RAB3GAP1: variants seen among roughly 807,000 people sequenced by gnomAD.
RAB3GAP1 encodes the protein rab3 GTPase-activating protein catalytic subunit.
Under a neutral mutation model 130.7 loss-of-function variants are expected in RAB3GAP1, and 86 were observed. That is an observed-to-expected ratio of 0.66 (90% CI 0.55 to 0.79). The LOEUF (loss-of-function observed/expected upper bound fraction) is 0.79. RAB3GAP1 is among the 30% of genes least tolerant of loss of function. The probability of loss-of-function intolerance (pLI) is 0.00; values close to 1 mark genes in which losing one functional copy is unlikely to be tolerated. For synonymous variants in RAB3GAP1, 367 were observed against 401.7 expected (o/e 0.91, Z 1.03); for missense variants, 1,029 against 1,169.4 (o/e 0.88, Z 1.75).
intron 11 of RAB3GAP1, 123 bp from the exon 12 acceptor site, chr2:135,129,872 G>T: frequency 1.4e-6 from 1 of 698,932 alleles, no homozygotes; most frequent in Non-Finnish European, 2.5e-6. Context: ...TGGAAAAACT[G>T]AATGGTTTTA....
At chr2:135,160,877 C>T (rs1296213437) in intron 19 of RAB3GAP1, among the ~76,000 whole-genome samples, 11 of 151,614 alleles carry the variant, frequency 7.3e-5, no homozygotes, top group African/African-American at 1.5e-4. Context: ...CATGAGTGTG[C>T]GACTTATTCT....
At chr2:135,061,205 C>T (rs916134567) in intron 3 of RAB3GAP1, among the ~76,000 whole-genome samples, 4 of 152,028 alleles carry the variant, frequency 2.6e-5, no homozygotes, top group African/African-American at 9.7e-5. Context: ...TACATGGTTT[C>T]TTTCACTTGT....
intron 3 of RAB3GAP1, among the ~76,000 whole-genome samples, chr2:135,082,141 C>CAATGAATGAATG (rs112935823): frequency 0.011 from 1,699 of 148,732 alleles, 36 homozygotes; most frequent in African/African-American, 0.038. Context: ...GACTCTGTCT[C>CAATGAATGAATG]AATGAATGAA....
chr2:135,117,741 TCTTCTTCTG>T (rs1691062565), intron 7 of RAB3GAP1, among the ~76,000 whole-genome samples: 7 of 63,802 alleles, frequency 1.1e-4, no homozygotes, highest in South Asian at 1.1e-3. Flanking sequence ...TTCTTCTGCT[TCTTCTTCTG>T]CTTCTGCTTC....
intron 17 of RAB3GAP1, among the ~76,000 whole-genome samples, chr2:135,138,002 G>C (rs1691723999): frequency 6.6e-6 from 1 of 151,744 alleles, no homozygotes; most frequent in East Asian, 1.9e-4. Flanking sequence ...ATTTTTCGTG[G>C]TTTTTATAGA....
chr2:135,155,812 G>T (rs979224443), intron 19 of RAB3GAP1, among the ~76,000 whole-genome samples: 1 of 152,000 alleles, frequency 6.6e-6, no homozygotes, highest in Non-Finnish European at 1.5e-5. Context: ...TAGAAAAAAA[G>T]TCAAATCAAA....
At chr2:135,166,802 G>A (rs1281393230) in intron 23 of RAB3GAP1, among the ~76,000 whole-genome samples, 2 of 151,934 alleles carry the variant, frequency 1.3e-5, no homozygotes, top group Admixed American at 6.6e-5. Context: ...ATATACTTAA[G>A]ATATCTTTCA....
At chr2:135,072,957 A>G (rs1689520414) in intron 3 of RAB3GAP1, among the ~76,000 whole-genome samples, 1 of 152,206 alleles carries the variant, frequency 6.6e-6, no homozygotes, top group Admixed American at 6.5e-5. Context: ...GTCTGTCTGA[A>G]TAAGTGTGGG....
chr2:135,079,547 G>C (rs1170912389), intron 3 of RAB3GAP1, among the ~76,000 whole-genome samples: 1 of 152,026 alleles, frequency 6.6e-6, no homozygotes, highest in African/African-American at 2.4e-5. Context: ...CTCCCCTATA[G>C]GGAACTTTAG....
At chr2:135,160,394 G>A (rs1331515684) in intron 19 of RAB3GAP1, among the ~76,000 whole-genome samples, 8 of 152,020 alleles carry the variant, frequency 5.3e-5, no homozygotes, top group Non-Finnish European at 1.0e-4. Flanking sequence ...TTTTGCGGCC[G>A]GGCGCGGTGG....
Position 135,169,011 on chromosome 2 carries a change from A to T in RAB3GAP1, c.*230A>T. 2 of 260,540 alleles carry T rather than the reference A, an allele frequency of 7.7e-6. No homozygotes were observed. Among genetic ancestry groups the T allele is most frequent in the East Asian group, 1.1e-4 (1 of 9,346 alleles). The allele number at this position is 260,540 out of a possible 1,614,324, so 16.1% of individuals were successfully genotyped here. On this transcript the variant is annotated 3_prime_UTR_variant, in exon 24 of 24. Transcript: ENST00000264158. Reference sequence around the variant, plus strand: ...CTGTTGAGAGATTTCTGCCCTAGAGATGGCCTTTGTATATGGGGGGGTGGT... The same window carrying T: ...CTGTTGAGAGATTTCTGCCCTAGAGTTGGCCTTTGTATATGGGGGGGTGGT...
chr2:135,058,856 A>G lies in RAB3GAP1; in HGVS notation c.150+770A>G, dbSNP rs1475705907. On this transcript the variant is annotated intron_variant, in intron 3 of 23. Transcript: ENST00000264158. ...TTATGGTTGGTTTTATTACAACTCA[A>G]TATTACTAACTCAGTGATAACTTAT... 4 of 152,154 alleles carry G rather than the reference A, an allele frequency of 2.6e-5. No individual in the cohort carries two copies. The South Asian group carries it at 6.2e-4, about 24-fold the overall frequency. 9.4% of individuals were successfully genotyped at this position (152,154 alleles called of 1,614,324 possible). A position where few individuals can be genotyped will look rare whatever the true frequency, so the allele number is the denominator to read the frequency against.
At chr2:135,112,888 C>G (rs1052939865) in intron 5 of RAB3GAP1, among the ~76,000 whole-genome samples, 3 of 151,420 alleles carry the variant, frequency 2.0e-5, no homozygotes, top group Admixed American at 1.3e-4. Flanking sequence ...GCAAATATAT[C>G]TGAGCCTATT....
chr2:135,054,502 C>T (rs1364739589), intron 2 of RAB3GAP1, among the ~76,000 whole-genome samples: 4 of 152,170 alleles, frequency 2.6e-5, no homozygotes, highest in Non-Finnish European at 5.9e-5. Flanking sequence ...AGGTAATAAA[C>T]TTGATGATAC....
At chr2:135,151,695 G>A (rs1692177416) in intron 18 of RAB3GAP1, among the ~76,000 whole-genome samples, 1 of 152,220 alleles carries the variant, frequency 6.6e-6, no homozygotes, top group African/African-American at 2.4e-5. Flanking sequence ...GAAGCCAGTT[G>A]GCTCTTGGGG....
At chr2:135,076,055 C>T (rs564273316) in intron 3 of RAB3GAP1, among the ~76,000 whole-genome samples, 7 of 151,980 alleles carry the variant, frequency 4.6e-5, no homozygotes, top group Admixed American at 1.3e-4. Flanking sequence ...GGATTACAGG[C>T]GTGTGCCACC....
intron 17 of RAB3GAP1, among the ~76,000 whole-genome samples, chr2:135,140,980 T>G (rs1014765016): frequency 1.3e-5 from 2 of 152,184 alleles, no homozygotes; most frequent in Non-Finnish European, 2.9e-5. Flanking sequence ...GTCATTTTAA[T>G]TTTTGCCTTT....
At chr2:135,161,549 A>C (rs1330770296) in intron 19 of RAB3GAP1, among the ~76,000 whole-genome samples, 2 of 152,154 alleles carry the variant, frequency 1.3e-5, no homozygotes. Context: ...CTGGGGATGG[A>C]GGGTACACAG....
chr2:135,171,845 G>C (rs1692863706), downstream of RAB3GAP1, among the ~76,000 whole-genome samples: 1 of 152,124 alleles, frequency 6.6e-6, no homozygotes, highest in Non-Finnish European at 1.5e-5. Context: ...AGTGACACTT[G>C]GGCAGAGACT....
Sources: gnomAD v4.1 joint callset for allele counts (sites outside exome capture counted in the v4.1 genomes callset) on GRCh38, gnomAD v4.1.1 for gene constraint, MANE v1.5 for transcripts, NCBI Gene and HGNC (gene_info 2026-07-23, HGNC 2026-07-21) for gene names.